The following CNTN4 variants were observed in gnomAD, a reference collection of about 807,000 sequenced individuals.
CNTN4 encodes the protein contactin-4.
In CNTN4, 77 loss-of-function variants were observed where a neutral mutation model predicts 122.5. The observed-to-expected ratio is 0.63, with a 90% confidence interval of 0.52 to 0.76. The LOEUF is 0.76. Among genes scored for constraint, CNTN4 ranks in the 30% least tolerant of loss-of-function variants. The pLI, the probability that CNTN4 is intolerant of heterozygous loss-of-function variation, is 0.00. For synonymous variants in CNTN4, 512 were observed against 447.0 expected (o/e 1.15, Z -1.83); for missense variants, 1,256 against 1,259.1 (o/e 1.00, Z 0.04).
intron 3 of CNTN4, among the ~76,000 whole-genome samples, chr3:2,450,766 T>G (rs1342507621): frequency 1.3e-5 from 2 of 152,212 alleles, no homozygotes; most frequent in Non-Finnish European, 2.9e-5. Flanking sequence ...TTAAGATAAC[T>G]TGTCCCCAAG....
chr3:2,634,366 T>A (rs1214060572), intron 4 of CNTN4, among the ~76,000 whole-genome samples: 3 of 152,204 alleles, frequency 2.0e-5, no homozygotes, highest in Non-Finnish European at 4.4e-5. Context: ...ATTTGTTTAA[T>A]ATAGCAAATA....
chr3:2,466,395 A>G (rs567621028), intron 3 of CNTN4, among the ~76,000 whole-genome samples: 100 of 152,318 alleles, frequency 6.6e-4, no homozygotes, highest in African/African-American at 2.2e-3. Context: ...TTTCACCAAC[A>G]TCTACAGGAG....
intron 9 of CNTN4, among the ~76,000 whole-genome samples, chr3:2,885,368 A>G (rs2093960672): frequency 6.6e-6 from 1 of 152,164 alleles, no homozygotes. Context: ...CACAGATGGC[A>G]TCTTTCTTTC....
At chr3:3,002,418 A>G (rs1696140982) in intron 14 of CNTN4, among the ~76,000 whole-genome samples, 1 of 152,240 alleles carries the variant, frequency 6.6e-6, no homozygotes, top group Non-Finnish European at 1.5e-5. Context: ...ATTCAGGTTT[A>G]GCTCAAAAAA....
chr3:2,716,923 C>T (rs911000772), intron 4 of CNTN4, among the ~76,000 whole-genome samples: 2 of 152,150 alleles, frequency 1.3e-5, no homozygotes, highest in Non-Finnish European at 2.9e-5. Context: ...ATAATATTTT[C>T]AAGATTCATC....
chr3:2,148,377 T>TAA (rs796261700), intron 2 of CNTN4, among the ~76,000 whole-genome samples: 1 of 142,906 alleles, frequency 7.0e-6, no homozygotes, highest in African/African-American at 2.6e-5. Context: ...CTACAGAAAA[T>TAA]AAAAAAAAAA....
chr3:2,433,837 A>G (rs886485808), intron 3 of CNTN4, among the ~76,000 whole-genome samples: 3 of 152,156 alleles, frequency 2.0e-5, no homozygotes, highest in Admixed American at 6.6e-5. Context: ...TCTACTTGCG[A>G]GTGTCTTGCC....
intron 5 of CNTN4, among the ~76,000 whole-genome samples, chr3:2,743,337 A>T (rs2089572058): frequency 6.6e-6 from 1 of 152,312 alleles, no homozygotes; most frequent in African/African-American, 2.4e-5. Flanking sequence ...CTAGAATATA[A>T]CCTGGCTGTT....
intron 3 of CNTN4, among the ~76,000 whole-genome samples, chr3:2,512,974 G>A (rs1350609379): frequency 2.0e-5 from 3 of 152,174 alleles, no homozygotes; most frequent in African/African-American, 7.2e-5. Context: ...ATAGATGGTT[G>A]TCTACATGAG....
chr3:2,910,491 T>C (rs993601747), intron 12 of CNTN4, among the ~76,000 whole-genome samples: 3 of 152,204 alleles, frequency 2.0e-5, no homozygotes, highest in Non-Finnish European at 4.4e-5. Context: ...TTGCATCTTC[T>C]AGTAAAGAGG....
At chr3:2,381,903 G>T (rs533171683) in intron 3 of CNTN4, among the ~76,000 whole-genome samples, 4 of 152,190 alleles carry the variant, frequency 2.6e-5, no homozygotes, top group South Asian at 2.1e-4. Context: ...AGACCAAATT[G>T]TCTCTGTAGA....
intron 14 of CNTN4, among the ~76,000 whole-genome samples, chr3:3,017,291 T>A (rs1356985058): frequency 6.6e-6 from 1 of 152,172 alleles, no homozygotes; most frequent in Non-Finnish European, 1.5e-5. Flanking sequence ...CAGACATAAT[T>A]CCTCAATGGA....
chr3:2,484,895 T>C (rs930497274), intron 3 of CNTN4, among the ~76,000 whole-genome samples: 1 of 152,160 alleles, frequency 6.6e-6, no homozygotes, highest in Non-Finnish European at 1.5e-5. Context: ...CTCCCTCTGC[T>C]TGCGGGAAGG....
At chr3:2,150,901 C>T (rs1469775270) in intron 2 of CNTN4, among the ~76,000 whole-genome samples, 1 of 152,062 alleles carries the variant, frequency 6.6e-6, no homozygotes, top group East Asian at 1.9e-4. Flanking sequence ...TTGTTGGCTT[C>T]CTCTTTGGGG....
Position 2,785,162 on chromosome 3 carries a change from G to C in CNTN4, c.359-34324G>C, listed in dbSNP as rs1160518955. Among the ~76,000 whole-genome samples, 6 of 149,046 alleles carry C rather than the reference G, an allele frequency of 4.0e-5. No individual in the cohort carries two copies. The East Asian group carries it at 1.2e-3, about 30-fold the overall frequency. On this transcript the variant is annotated intron_variant, in intron 6 of 24. Transcript: ENST00000418658. Reference sequence around the variant, plus strand: ...ACATATATATAGAGAGAGAGAGAGAGAGAGAGATTTAATATGATAAATTGG... The same window carrying C: ...ACATATATATAGAGAGAGAGAGAGACAGAGAGATTTAATATGATAAATTGG...
At chr3:2,353,602 A>C (rs187632304) in intron 3 of CNTN4, among the ~76,000 whole-genome samples, 1 of 152,154 alleles carries the variant, frequency 6.6e-6, no homozygotes, top group Admixed American at 6.5e-5. Flanking sequence ...GCAACTCTGG[A>C]CGGGAGGAAT....
At chr3:2,767,060 G>A (rs943673045) in intron 6 of CNTN4, among the ~76,000 whole-genome samples, 12 of 152,214 alleles carry the variant, frequency 7.9e-5, no homozygotes, top group African/African-American at 2.9e-4. Context: ...TGTATCACAT[G>A]GATTAAGTGA....
At chr3:2,818,677 T>G (rs1306600791) in intron 6 of CNTN4, among the ~76,000 whole-genome samples, 1 of 152,218 alleles carries the variant, frequency 6.6e-6, no homozygotes, top group Non-Finnish European at 1.5e-5. Context: ...ATTTCTTATA[T>G]TAACTCATTT....
intron 4 of CNTN4, among the ~76,000 whole-genome samples, chr3:2,594,554 G>T (rs1234560046): frequency 6.6e-6 from 1 of 151,744 alleles, no homozygotes; most frequent in African/African-American, 2.4e-5. Context: ...GAGTAGCTGG[G>T]TTTACAGGCA....
Sources: gnomAD v4.1 joint callset for allele counts (sites outside exome capture counted in the v4.1 genomes callset) on GRCh38, gnomAD v4.1.1 for gene constraint, MANE v1.5 for transcripts, NCBI Gene and HGNC (gene_info 2026-07-23, HGNC 2026-07-21) for gene names.